The following HCRTR2 variants were observed in gnomAD, a reference collection of about 807,000 sequenced individuals.
HCRTR2 encodes hypocretin receptor 2.
In HCRTR2, 22 loss-of-function variants were observed where a neutral mutation model predicts 49.0. That is an observed-to-expected ratio of 0.45 (90% CI 0.32 to 0.64). HCRTR2 has a LOEUF of 0.64. Ranked by LOEUF, HCRTR2 falls within the 30% of genes least tolerant of loss-of-function variation. The probability of loss-of-function intolerance (pLI) is 0.04; values close to 1 mark genes in which losing one functional copy is unlikely to be tolerated. For synonymous variants in HCRTR2, 236 were observed against 205.3 expected, an observed-to-expected ratio of 1.15 and a Z score of -1.28; for missense variants, 491 against 559.4, an observed-to-expected ratio of 0.88 and a Z score of 1.23.
intron 1 of HCRTR2, among the ~76,000 whole-genome samples, chr6:55,240,389 T>G (rs970020262): frequency 6.0e-5 from 9 of 149,382 alleles, no homozygotes; most frequent in Non-Finnish European, 1.3e-4. Flanking sequence ...AAAAAAGAGT[T>G]TTATTCATAT....
At chr6:55,187,455 C>T (rs1355311111) in intron 1 of HCRTR2, among the ~76,000 whole-genome samples, 4 of 120,172 alleles carry the variant, frequency 3.3e-5, no homozygotes, top group East Asian at 2.4e-4. Context: ...AAAAAGAAAA[C>T]GAAAAGAAAA....
intron 6 of HCRTR2, among the ~76,000 whole-genome samples, chr6:55,281,458 G>T (rs1767188195): frequency 6.6e-6 from 1 of 152,178 alleles, no homozygotes; most frequent in Non-Finnish European, 1.5e-5. Context: ...GTGAGTTAGA[G>T]GAGGCAACTG....
At chr6:55,229,970 A>C (rs1365223721) in intron 1 of HCRTR2, among the ~76,000 whole-genome samples, 1 of 152,120 alleles carries the variant, frequency 6.6e-6, no homozygotes, top group Non-Finnish European at 1.5e-5. Context: ...ACAGGCAAAA[A>C]CTACTTGGGA....
chr6:55,245,413 A>T (rs1766415541), intron 1 of HCRTR2, among the ~76,000 whole-genome samples: 1 of 144,954 alleles, frequency 6.9e-6, no homozygotes, highest in Non-Finnish European at 1.5e-5. Context: ...ACACACACAC[A>T]TAGGAATACA....
At chr6:55,259,068 ACT>A (rs2127319508) in intron 3 of HCRTR2, among the ~76,000 whole-genome samples, 1 of 151,866 alleles carries the variant, frequency 6.6e-6, no homozygotes, top group African/African-American at 2.4e-5. Flanking sequence ...AGAGAAAATA[ACT>A]CTTTTTGTAC....
chr6:55,234,374 A>C (rs1451233407), intron 1 of HCRTR2, among the ~76,000 whole-genome samples: 2 of 152,180 alleles, frequency 1.3e-5, no homozygotes, highest in African/African-American at 2.4e-5. Flanking sequence ...ATTTAAGAAA[A>C]AATAGGCTAT....
intron 1 of HCRTR2, among the ~76,000 whole-genome samples, chr6:55,137,644 G>A (rs1242153800): frequency 6.6e-6 from 1 of 152,106 alleles, no homozygotes; most frequent in Non-Finnish European, 1.5e-5. Context: ...AAGAGACAGT[G>A]TGATTTAGTG....
intron 3 of HCRTR2, among the ~76,000 whole-genome samples, chr6:55,260,474 T>C (rs1766733804): frequency 1.3e-5 from 2 of 152,180 alleles, no homozygotes; most frequent in African/African-American, 4.8e-5. Flanking sequence ...TTTATGTAAC[T>C]GGCCTGCTTT....
rs186316855 is a variant in HCRTR2, at chr6:55,221,730, G to A, written c.224-26909G>A. 9.8e-3 allele frequency among the ~76,000 whole-genome samples: 1,478 copies of A among 151,568 alleles called. 18 individuals are homozygous for A. The highest frequency in any genetic ancestry group is 0.055 in the South Asian group (266 of 4,802). ...CAGGAGGCTGAGGCAGGAGAATGGC[G>A]TGAACCTCAGAGGCAGAGCTTGCAG... is the stretch of plus-strand genomic sequence containing the variant. On this transcript the variant is annotated intron_variant, in intron 1 of 6. Transcript: ENST00000370862.
intron 3 of HCRTR2, among the ~76,000 whole-genome samples, chr6:55,257,193 G>A: frequency 6.6e-6 from 1 of 152,098 alleles, no homozygotes; most frequent in Admixed American, 6.6e-5. Context: ...AAGATGGGTT[G>A]GGGACTGACT....
At chr6:55,157,790 C>T (rs1764750377) in intron 1 of HCRTR2, among the ~76,000 whole-genome samples, 1 of 152,236 alleles carries the variant, frequency 6.6e-6, no homozygotes, top group Admixed American at 6.5e-5. Flanking sequence ...GAATCTGCAA[C>T]AGCCAAAGCA....
intron 1 of HCRTR2, among the ~76,000 whole-genome samples, chr6:55,237,689 T>C (rs528035466): frequency 7.2e-5 from 11 of 152,366 alleles, no homozygotes; most frequent in Middle Eastern, 6.8e-3. Context: ...TCTGCCTTAG[T>C]AGCTTTCCAA....
At chr6:55,133,054 A>G (rs960893193) in intron 1 of HCRTR2, among the ~76,000 whole-genome samples, 3 of 151,884 alleles carry the variant, frequency 2.0e-5, no homozygotes, top group African/African-American at 7.2e-5. Flanking sequence ...GCTGATATCC[A>G]CTGTGCAACA....
chr6:55,150,677 C>A (rs9382455), intron 1 of HCRTR2, among the ~76,000 whole-genome samples: 152,115 of 152,138 alleles, frequency 1, 76,046 homozygotes, highest in Middle Eastern at 1. Context: ...TTTCCTTTTT[C>A]AAGGCTGAAT....
intron 1 of HCRTR2, among the ~76,000 whole-genome samples, chr6:55,112,988 A>G (rs1764070412): frequency 6.6e-6 from 1 of 152,082 alleles, no homozygotes. Context: ...ACTTACAGCC[A>G]ACTGATCTTC....
chr6:55,107,375 G>A (rs941659876), intron 1 of HCRTR2, among the ~76,000 whole-genome samples: 1 of 151,694 alleles, frequency 6.6e-6, no homozygotes, highest in Non-Finnish European at 1.5e-5. Context: ...ACTTGTTTTC[G>A]GTTTCAGAGA....
In HCRTR2 at chr6:55,277,520, A is replaced by G. The variant is rs1767101215; in HGVS notation, c.903A>G (p.Lys301=). The G allele has an allele frequency of 6.2e-7, 1 of 1,614,012 alleles. No individual in the cohort carries two copies. Among genetic ancestry groups the G allele is most frequent in the Non-Finnish European group, 8.5e-7 (1 of 1,180,014 alleles). Reference sequence around the variant, plus strand: ...TAAAGCAGATCCGAGCCAGAAGGAAAACAGCCCGGATGTTGATGATTGTGC... The same window carrying G: ...TAAAGCAGATCCGAGCCAGAAGGAAGACAGCCCGGATGTTGATGATTGTGC... ...AEIKQIRARR[K]TARMLMIVLL... is the part of the protein sequence containing the mutation. The change falls in exon 5 of 7, where the codon AAA becomes AAG. Residue 301 remains lysine (K), a synonymous_variant. Transcript: ENST00000370862.
At chr6:55,276,386 G>T (rs1027650) in intron 4 of HCRTR2, among the ~76,000 whole-genome samples, 2,530 of 152,216 alleles carry the variant, frequency 0.017, 53 homozygotes, top group African/African-American at 0.056. Flanking sequence ...GGTGTAAAAA[G>T]CAACAAAATC....
intron 1 of HCRTR2, among the ~76,000 whole-genome samples, chr6:55,145,692 G>A (rs2127255425): frequency 6.6e-6 from 1 of 152,222 alleles, no homozygotes; most frequent in South Asian, 2.1e-4. Flanking sequence ...TGGGATTACA[G>A]GCTTGAGACA....
Sources: gnomAD v4.1 joint callset for allele counts (sites outside exome capture counted in the v4.1 genomes callset) on GRCh38, gnomAD v4.1.1 for gene constraint, MANE v1.5 for transcripts, NCBI Gene and HGNC (gene_info 2026-07-23, HGNC 2026-07-21) for gene names.